The following PAM variants were observed in gnomAD, a reference collection of about 807,000 sequenced individuals.
PAM encodes the protein peptidylglycine alpha-amidating monooxygenase.
PAM carries 72 observed loss-of-function variants against 122.1 expected under a neutral mutation model. The ratio of observed to expected loss-of-function variants is 0.59; its 90% confidence interval spans 0.49 to 0.72. The LOEUF (loss-of-function observed/expected upper bound fraction) is 0.72. Among genes scored for constraint, PAM ranks in the 30% least tolerant of loss-of-function variants. PAM has a pLI of 0.00. For missense variants in PAM, 1,106 were observed against 1,183.7 expected, an observed-to-expected ratio of 0.93 and a Z score of 0.96; for synonymous variants, 389 against 404.4, an observed-to-expected ratio of 0.96 and a Z score of 0.46.
At chr5:102,779,238 G>GTGTGTA (rs200108807) in intron 1 of PAM, among the ~76,000 whole-genome samples, 12 of 149,206 alleles carry the variant, frequency 8.0e-5, no homozygotes, top group South Asian at 2.1e-4. Context: ...ATATATATGT[G>GTGTGTA]TATATATATA....
chr5:102,935,475 G>GT (rs1280477507), intron 7 of PAM, among the ~76,000 whole-genome samples: 2 of 151,982 alleles, frequency 1.3e-5, no homozygotes, highest in Admixed American at 1.3e-4. Flanking sequence ...GATGCTCTGA[G>GT]TTTTTTTGCT....
Position 103,003,099 on chromosome 5 carries a change from T to C in PAM, c.1680T>C (p.Leu560=). Residue 560 remains leucine, a synonymous_variant, in exon 17 of 26, where the codon CTT becomes CTC. Transcript: ENST00000438793. ...GACCAATTGAAGAAGACACTATTCT[T>C]GTCATAGATCCAAATAATGCTGCAG... The part of the protein sequence containing the change: ...GLGPIEEDTI[L]VIDPNNAAVL... 1.9e-6 allele frequency: 3 copies of C among 1,606,990 alleles called. No homozygotes were observed. Among genetic ancestry groups the C allele is most frequent in the Non-Finnish European group, 2.6e-6 (3 of 1,173,578 alleles).
intron 1 of PAM, among the ~76,000 whole-genome samples, chr5:102,783,230 CAAAA>C (rs11329964): frequency 4.1e-5 from 5 of 122,224 alleles, no homozygotes; most frequent in African/African-American, 1.1e-4. Flanking sequence ...CCAGATTTAG[CAAAA>C]AAAAAAAAAA....
chr5:102,965,171 A>G (rs1364512033), intron 14 of PAM, among the ~76,000 whole-genome samples: 2 of 150,810 alleles, frequency 1.3e-5, no homozygotes, highest in Non-Finnish European at 3.0e-5. Flanking sequence ...AGACACACAC[A>G]CACACACACA....
intron 21 of PAM, among the ~76,000 whole-genome samples, chr5:103,015,919 CATT>C (rs1429508179): frequency 1.3e-4 from 20 of 152,192 alleles, no homozygotes; most frequent in African/African-American, 2.4e-4. Flanking sequence ...ATTCCCCCAT[CATT>C]ATATTTTTCC....
At chr5:102,919,284 G>T (rs1746529361) in intron 5 of PAM, among the ~76,000 whole-genome samples, 1 of 152,024 alleles carries the variant, frequency 6.6e-6, no homozygotes, top group African/African-American at 2.4e-5. Flanking sequence ...GCCTGTATGA[G>T]AGATACTCTG....
At chr5:103,028,380 T>C (rs1354819281) in intron 25 of PAM, 142 bp downstream of exon 25, 1 of 620,910 alleles carries the variant, frequency 1.6e-6, no homozygotes, top group Non-Finnish European at 2.9e-6. Flanking sequence ...CCAGAGTAAA[T>C]ACAGAATGCA....
intron 7 of PAM, among the ~76,000 whole-genome samples, chr5:102,929,417 C>G (rs1022703834): frequency 1.3e-5 from 2 of 152,116 alleles, no homozygotes; most frequent in Non-Finnish European, 2.9e-5. Flanking sequence ...AACAAACACA[C>G]AATTATACAC....
chr5:102,967,563 T>C (rs1197047080), intron 14 of PAM, among the ~76,000 whole-genome samples: 3 of 152,172 alleles, frequency 2.0e-5, no homozygotes, highest in East Asian at 1.9e-4. Flanking sequence ...AAATAAGAAA[T>C]GAGAGGGACT....
chr5:102,761,325 A>G (rs1449156948), intron 1 of PAM, among the ~76,000 whole-genome samples: 1 of 152,226 alleles, frequency 6.6e-6, no homozygotes, highest in Non-Finnish European at 1.5e-5. Context: ...CAGATAGGAG[A>G]AGCTCATTTT....
intron 1 of PAM, among the ~76,000 whole-genome samples, chr5:102,789,932 T>G (rs889313075): frequency 6.6e-6 from 1 of 152,122 alleles, no homozygotes. Context: ...TATTCATAAA[T>G]ATTCAGTAGT....
chr5:102,994,075 G>C (rs942063437), intron 16 of PAM, among the ~76,000 whole-genome samples: 2 of 152,004 alleles, frequency 1.3e-5, no homozygotes, highest in African/African-American at 4.8e-5. Flanking sequence ...ATCACAAAAT[G>C]CAACAATAAA....
chr5:102,911,455 A>G (rs920686987), intron 4 of PAM, among the ~76,000 whole-genome samples: 2 of 152,006 alleles, frequency 1.3e-5, no homozygotes, highest in African/African-American at 4.8e-5. Context: ...AAGTAGAGCA[A>G]ATAAATAAGT....
chr5:102,931,207 T>C (rs1217996867), intron 7 of PAM, among the ~76,000 whole-genome samples: 1 of 152,236 alleles, frequency 6.6e-6, no homozygotes, highest in African/African-American at 2.4e-5. Context: ...TGGTTACTTT[T>C]CAAAGATGTT....
At chr5:102,797,841 CCTA>C (rs926263312) in intron 1 of PAM, among the ~76,000 whole-genome samples, 6 of 151,930 alleles carry the variant, frequency 3.9e-5, no homozygotes, top group Non-Finnish European at 7.4e-5. Flanking sequence ...GGCCATTGTT[CCTA>C]CTACTACTAC....
At chr5:102,890,269 C>G (rs1292635189) in intron 3 of PAM, among the ~76,000 whole-genome samples, 1 of 151,804 alleles carries the variant, frequency 6.6e-6, no homozygotes, top group Non-Finnish European at 1.5e-5. Flanking sequence ...CTGATTGTCT[C>G]TCTTCTTGTA....
At chr5:102,983,165 G>T (rs1770487751) in intron 15 of PAM, among the ~76,000 whole-genome samples, 1 of 152,014 alleles carries the variant, frequency 6.6e-6, no homozygotes, top group South Asian at 2.1e-4. Context: ...ACCCGGTAAG[G>T]CCAGGCATGG....
At chr5:102,977,921 A>C (rs1244465864) in intron 15 of PAM, among the ~76,000 whole-genome samples, 1 of 152,028 alleles carries the variant, frequency 6.6e-6, no homozygotes, top group South Asian at 2.1e-4. Context: ...ATAATAGTAT[A>C]CTCCTCGCAG....
At chr5:102,774,104 C>T (rs779997945) in intron 1 of PAM, among the ~76,000 whole-genome samples, 18 of 152,026 alleles carry the variant, frequency 1.2e-4, no homozygotes, top group Non-Finnish European at 2.4e-4. Context: ...TTTTCTTTAT[C>T]CAGTCTGATT....
Sources: gnomAD v4.1 joint callset for allele counts (sites outside exome capture counted in the v4.1 genomes callset) on GRCh38, gnomAD v4.1.1 for gene constraint, MANE v1.5 for transcripts, NCBI Gene and HGNC (gene_info 2026-07-23, HGNC 2026-07-21) for gene names.